Variants in ADAM23 observed in about 807,000 individuals in gnomAD.
The protein encoded by ADAM23 is disintegrin and metalloproteinase domain-containing protein 23.
A neutral mutation model predicts 120.1 loss-of-function variants in ADAM23; 33 were observed. The ratio of observed to expected loss-of-function variants is 0.27; its 90% CI spans 0.21 to 0.37. The LOEUF is 0.37. ADAM23 is among the 10% of genes least tolerant of loss of function. The pLI is 1.00. For missense variants in ADAM23, 862 were observed against 1,058.2 expected, an observed-to-expected ratio of 0.81 and a Z score of 2.57; for synonymous variants, 367 against 375.2, an observed-to-expected ratio of 0.98 and a Z score of 0.25.
chr2:206,611,396 A>G (rs1006264675), intron 25 of ADAM23, among the ~76,000 whole-genome samples: 17 of 152,112 alleles, frequency 1.1e-4, no homozygotes, highest in African/African-American at 4.1e-4. Context: ...TCTAGTAAGA[A>G]ATATGTTTTC....
At chr2:206,492,791 G>A (rs552394247) in intron 3 of ADAM23, among the ~76,000 whole-genome samples, 20 of 152,116 alleles carry the variant, frequency 1.3e-4, no homozygotes, top group Non-Finnish European at 2.4e-4. Flanking sequence ...CTCTTCATAG[G>A]TGGGGTTTAA....
chr2:206,594,625 G>A (rs996142098), intron 22 of ADAM23, 112 bp from the exon 23 acceptor site: 33 of 1,219,116 alleles, frequency 2.7e-5, no homozygotes, highest in Non-Finnish European at 3.7e-5. Flanking sequence ...AATGCTAGGA[G>A]AAATCCACAT....
chr2:206,460,669 T>A (rs969160004), intron 2 of ADAM23, among the ~76,000 whole-genome samples: 7 of 152,240 alleles, frequency 4.6e-5, no homozygotes, highest in African/African-American at 1.4e-4. Context: ...TTACAAATAT[T>A]TTCTCCCATT....
rs145640821 is a variant in ADAM23 at position 206,563,687 on chromosome 2, C to T, written c.1346-1333C>T. ...ATGGAATAGGGTGAGAAGTAGACTT[C>T]ATTACTAATGCCTGCCATCGTTCCC... On this transcript the variant is annotated intron_variant, in intron 13 of 25. Coordinates refer to ENST00000264377, the MANE Select transcript of ADAM23 (RefSeq NM_003812.4). Among the ~76,000 whole-genome samples, 1,126 of 151,356 alleles carry T rather than the reference C, an allele frequency of 7.4e-3. 6 individuals are homozygous for T. The highest frequency in any genetic ancestry group is 0.014 in the Non-Finnish European group (926 of 67,884).
chr2:206,568,925 G>A (rs776948830), intron 15 of ADAM23, among the ~76,000 whole-genome samples: 7 of 152,152 alleles, frequency 4.6e-5, no homozygotes, highest in Non-Finnish European at 8.8e-5. Flanking sequence ...TGACATCTGT[G>A]TAGAATCTTA....
intron 25 of ADAM23, among the ~76,000 whole-genome samples, chr2:206,610,296 A>G (rs1698802647): frequency 6.6e-6 from 1 of 152,222 alleles, no homozygotes; most frequent in Non-Finnish European, 1.5e-5. Context: ...AGATACATTC[A>G]TTTCTACACA....
intron 3 of ADAM23, among the ~76,000 whole-genome samples, chr2:206,488,247 C>T (rs951179676): frequency 6.6e-6 from 1 of 152,152 alleles, no homozygotes; most frequent in Non-Finnish European, 1.5e-5. Context: ...CTGAGCAACA[C>T]GGGGGAATTC....
chr2:206,504,812 C>T (rs896395025), intron 3 of ADAM23, among the ~76,000 whole-genome samples: 2 of 152,164 alleles, frequency 1.3e-5, no homozygotes, highest in Non-Finnish European at 2.9e-5. Context: ...TAGCTCTTGT[C>T]ATTCTCCTTT....
rs1275158477 is a variant in ADAM23 at position 206,445,312 on chromosome 2, C to T, written c.220C>T (p.His74Tyr). ...AWGAAAPSAP[H>Y]WNETAEKNLG... ...CACCCCCCTACCTCCACCAGCTCCG[C>T]ATTGGAATGAAACTGCAGAAAAAAA... is the stretch of plus-strand genomic sequence containing the variant. The change falls in exon 2 of 26, where the codon CAT becomes TAT. Residue 74 changes from histidine (H) to tyrosine (Y), a missense_variant. Transcript: ENST00000264377. 4 of 1,613,560 alleles carry T rather than the reference C, an allele frequency of 2.5e-6. No homozygotes were observed. In the East Asian group the frequency reaches 6.7e-5, roughly 27 times the overall value.
At chr2:206,542,299 T>C (rs1416299232) in intron 5 of ADAM23, among the ~76,000 whole-genome samples, 165 bp downstream of exon 5, 1 of 152,214 alleles carries the variant, frequency 6.6e-6, no homozygotes, top group Non-Finnish European at 1.5e-5. Context: ...CACTTAGTGT[T>C]TGCAGGAGAT....
chr2:206,462,590 G>A (rs1375077610), intron 2 of ADAM23, among the ~76,000 whole-genome samples: 2 of 152,138 alleles, frequency 1.3e-5, no homozygotes, highest in African/African-American at 4.8e-5. Context: ...AGAATTCTGT[G>A]TTCAGTTGTT....
chr2:206,536,366 T>C (rs985449254), intron 4 of ADAM23, among the ~76,000 whole-genome samples: 2 of 150,052 alleles, frequency 1.3e-5, no homozygotes, highest in Non-Finnish European at 2.9e-5. Context: ...TTGAAAGTAA[T>C]GTCAAAAACC....
In ADAM23 at chr2:206,469,467, A is replaced by C. The variant is rs80354770; in HGVS notation, c.433-11765A>C. Among the ~76,000 whole-genome samples the C allele has an allele frequency of 4.3e-3, 651 of 152,252 alleles. 5 individuals are homozygous for C. The highest frequency in any genetic ancestry group is 0.015 in the African/African-American group (628 of 41,546). On this transcript the variant is annotated intron_variant, in intron 2 of 25. Transcript: ENST00000264377. Reference sequence around the variant, plus strand: ...CAACTCTATTGTTATTTCCCAAGTCAAACCCCTATCACCTCCTACCTGGAT... The same window carrying C: ...CAACTCTATTGTTATTTCCCAAGTCCAACCCCTATCACCTCCTACCTGGAT...
chr2:206,558,434 CA>C (rs1447326178), intron 10 of ADAM23, among the ~76,000 whole-genome samples: 1 of 152,310 alleles, frequency 6.6e-6, no homozygotes, highest in East Asian at 1.9e-4. Context: ...AAGCAGTCCA[CA>C]AACCTCCAAT....
At chr2:206,490,913 T>A (rs955906180) in intron 3 of ADAM23, among the ~76,000 whole-genome samples, 2 of 152,218 alleles carry the variant, frequency 1.3e-5, no homozygotes, top group African/African-American at 2.4e-5. Flanking sequence ...TGAAAACATA[T>A]ACAATAAAAG....
At chr2:206,505,081 G>A (rs1696469227) in intron 3 of ADAM23, among the ~76,000 whole-genome samples, 1 of 152,174 alleles carries the variant, frequency 6.6e-6, no homozygotes, top group African/African-American at 2.4e-5. Context: ...GTGGCCTATA[G>A]GGGAAGAAGG....
At position 206,587,354 on chromosome 2, in the gene ADAM23, A is replaced by G; in HGVS notation, c.1767A>G (p.Gly589=). The change falls in exon 19 of 26, where the codon GGA becomes GGG. Residue 589 remains glycine (G), a synonymous_variant. Coordinates refer to ENST00000264377, the MANE Select transcript of ADAM23 (RefSeq NM_003812.4). ...CACCAAATCTTCATAAGCAAGACGG[A>G]TATGCATGCAATCAAAATCAGGTAT... ...QCPPNLHKQD[G]YACNQNQGRC... 2 of 1,608,204 alleles carry G rather than the reference A, an allele frequency of 1.2e-6. No homozygotes were observed. Among genetic ancestry groups the G allele is most frequent in the South Asian group, 1.1e-5 (1 of 89,628 alleles).
intron 18 of ADAM23, among the ~76,000 whole-genome samples, chr2:206,577,910 C>T (rs376518400): frequency 0.066 from 9,975 of 151,146 alleles, 404 homozygotes; most frequent in Admixed American, 0.14. Flanking sequence ...TTCTCCACAT[C>T]CTCTCCAGCA....
chr2:206,470,144 G>A (rs1177635108), intron 2 of ADAM23, among the ~76,000 whole-genome samples: 19 of 152,042 alleles, frequency 1.2e-4, no homozygotes, highest in Admixed American at 9.8e-4. Context: ...GTAGACACAC[G>A]TGATTATTTG....
Sources: gnomAD v4.1 joint callset for allele counts (sites outside exome capture counted in the v4.1 genomes callset) on GRCh38, gnomAD v4.1.1 for gene constraint, MANE v1.5 for transcripts, NCBI Gene and HGNC (gene_info 2026-07-23, HGNC 2026-07-21) for gene names.